The following TTC38 variants were observed in gnomAD, a reference collection of about 807,000 sequenced individuals.
TTC38 encodes tetratricopeptide repeat protein 38.
In TTC38, 64 loss-of-function variants were observed where a neutral mutation model predicts 64.2. The observed-to-expected ratio is 1.00, with a 90% CI of 0.81 to 1.23. The LOEUF is 1.23. Ranked by LOEUF, TTC38 falls within the 50% of genes most tolerant of loss-of-function variation. TTC38 has a pLI of 0.00. For missense variants in TTC38, 573 were observed against 615.5 expected, an observed-to-expected ratio of 0.93 and a Z score of 0.73; for synonymous variants, 254 against 249.3, an observed-to-expected ratio of 1.02 and a Z score of -0.18.
rs2077596064 is a variant in TTC38, at chr22:46,289,448, C to T, written c.1129C>T (p.Leu377=). 6.2e-7 allele frequency: 1 copy of T among 1,609,552 alleles called. No homozygotes were observed. Residue 377 remains leucine (L), a synonymous_variant, in exon 12 of 14, where the codon CTG becomes TTG. Transcript: ENST00000381031. ...GCACCTCCTGGCCCGAGACGTGGGG[C>T]TGCCCCTGTGCCAGGCCCTGGTGGA... ...CQHLLARDVG[L]PLCQALVEAE...
chr22:46,283,902 AAAACAAC>A (rs1238949333), intron 7 of TTC38, 64 bp from the exon 8 acceptor site: 2 of 1,088,240 alleles, frequency 1.8e-6, no homozygotes, highest in African/African-American at 3.3e-5. Context: ...GCATTAGCAC[AAAACAAC>A]ATTTGTTTTT....
chr22:46,280,289 G>C (rs2077524569), intron 6 of TTC38: 2 of 435,060 alleles, frequency 4.6e-6, no homozygotes, highest in African/African-American at 4.1e-5. Flanking sequence ...TCAATGGGTG[G>C]AGGCTTAGGG....
At position 46,281,479 on chromosome 22, in the gene TTC38, C is replaced by A. The variant is rs1429140559; in HGVS notation, c.616-120C>A. ...TGTTTTGAGTCAGAGCCCCGCCCCC[C>A]CACTTGCTCCACCCCGTTCAGCCCA... On this transcript the variant is annotated intron_variant, in intron 6 of 13. Coordinates refer to ENST00000381031, the MANE Select transcript of TTC38 (RefSeq NM_017931.4). The surrounding 1 kb of genome is among the most constrained non-coding windows in gnomAD (Gnocchi z 5.2). 3.6e-6 allele frequency: 4 copies of A among 1,112,138 alleles called. No individual in the cohort carries two copies. Among genetic ancestry groups the A allele is most frequent in the Admixed American group, 2.1e-5 (1 of 47,256 alleles). The allele number at this position is 1,112,138 out of a possible 1,614,324, so 68.9% of individuals were successfully genotyped here.
At chr22:46,268,645 T>A in intron 2 of TTC38, 54 bp downstream of exon 2, 1 of 1,539,750 alleles carries the variant, frequency 6.5e-7, no homozygotes, top group Non-Finnish European at 8.9e-7. Context: ...AGGGGAAGGT[T>A]TTTTAATTGG....
chr22:46,268,727 C>A (rs1182199748), intron 2 of TTC38, 136 bp downstream of exon 2: 3 of 842,350 alleles, frequency 3.6e-6, no homozygotes, highest in Non-Finnish European at 5.5e-6. Flanking sequence ...CTCTGTCGCC[C>A]AGGCTGGAGT....
intron 9 of TTC38, among the ~76,000 whole-genome samples, 167 bp from the exon 10 acceptor site, chr22:46,286,906 C>T (rs989763830): frequency 2.6e-5 from 4 of 152,200 alleles, no homozygotes; most frequent in Non-Finnish European, 4.4e-5. Context: ...GAGCAGTCTA[C>T]ACCCCAGGCA....
intron 9 of TTC38, 136 bp downstream of exon 9, chr22:46,285,415 G>C: frequency 2.4e-6 from 2 of 847,424 alleles, no homozygotes; most frequent in African/African-American, 1.7e-5. Context: ...CTTGTGTAAG[G>C]CCTCATGGGG....
At chr22:46,278,691 C>T in intron 6 of TTC38, 30 bp downstream of exon 6, 20 of 1,580,218 alleles carry the variant, frequency 1.3e-5, no homozygotes, top group Non-Finnish European at 1.7e-5. Context: ...GGTGCCTGAC[C>T]CCTCAGGGAG....
chr22:46,278,596 G>A lies in TTC38; in HGVS notation c.550G>A (p.Gly184Ser). Residue 184 changes from glycine to serine, a missense_variant, in exon 6 of 14, where the codon GGC becomes AGC. Transcript: ENST00000381031. Reference sequence around the variant, plus strand: ...TTTTTCTGTTTTTAGCTATGTGAAAGGCATCTACTCTTTTGGCTTGATGGA... The same window carrying A: ...TTTTTCTGTTTTTAGCTATGTGAAAAGCATCTACTCTTTTGGCTTGATGGA... ...PDIPLSSYVK[G>S]IYSFGLMETN... 1 of 1,614,024 alleles carries A rather than the reference G, an allele frequency of 6.2e-7. No individual in the cohort carries two copies. The highest frequency in any genetic ancestry group is 8.5e-7 in the Non-Finnish European group (1 of 1,179,918).
At position 46,269,504 on chromosome 22, in the gene TTC38, C is replaced by A. The variant is rs184103476; in HGVS notation, c.111+913C>A. Among the ~76,000 whole-genome samples, 1,056 of 152,304 alleles carry A rather than the reference C, an allele frequency of 6.9e-3. 10 individuals are homozygous for A. The highest frequency in any genetic ancestry group is 0.027 in the Middle Eastern group (8 of 294). On this transcript the variant is annotated intron_variant, in intron 2 of 13. Coordinates refer to ENST00000381031, the MANE Select transcript of TTC38 (RefSeq NM_017931.4). The stretch of plus-strand genomic sequence containing the variant: ...GAATTACAGGCAGAACCAGGATGAA[C>A]CTGGGCCTAACTGCACTGATAGAAA...
Position 46,292,962 on chromosome 22 carries a change from G to T in TTC38, c.*78G>T. ...CCAGTCAGCTGCTCCACCGGGTTAG[G>T]GTCAGGAGACGGCCAGAGCCTGTTT... On this transcript the variant is annotated 3_prime_UTR_variant, in exon 14 of 14. Coordinates refer to ENST00000381031, the MANE Select transcript of TTC38 (RefSeq NM_017931.4). The surrounding 1 kb of genome is among the most constrained non-coding windows in gnomAD (Gnocchi z 6.5). The T allele has an allele frequency of 1.7e-6, 2 of 1,192,030 alleles. No individual in the cohort carries two copies. Among genetic ancestry groups the T allele is most frequent in the South Asian group, 1.2e-5 (1 of 81,482 alleles). 73.8% of individuals were successfully genotyped at this position (1,192,030 alleles called of 1,614,324 possible).
chr22:46,288,319 A>G, intron 10 of TTC38, 104 bp from the exon 11 acceptor site: 2 of 1,221,260 alleles, frequency 1.6e-6, no homozygotes, highest in Non-Finnish European at 1.2e-6. Flanking sequence ...CACCTGGGAC[A>G]GGGTCATCAA....
chr22:46,278,132 C>T (rs1264110649), intron 5 of TTC38, among the ~76,000 whole-genome samples: 7 of 152,288 alleles, frequency 4.6e-5, no homozygotes, highest in South Asian at 4.1e-4. Flanking sequence ...GTTGCTGTAG[C>T]GAAGGGCTGC....
At chr22:46,268,141 G>A (rs1936803273) in intron 1 of TTC38, 69 bp downstream of exon 1, 1 of 1,484,282 alleles carries the variant, frequency 6.7e-7, no homozygotes, top group Non-Finnish European at 9.0e-7. Flanking sequence ...CGGTGCTGGC[G>A]GAATAACGGG....
Position 46,268,073 on chromosome 22 carries a change from G to C in TTC38, c.33+1G>C, listed in dbSNP as rs1419114262. 6.5e-7 allele frequency: 1 copy of C among 1,542,652 alleles called. No homozygotes were observed. Among genetic ancestry groups the C allele is most frequent in the East Asian group, 2.5e-5 (1 of 40,676 alleles). ...AGCCTCGCCTCTGCGCGACTGCCAG[G>C]TACACGGAGGCTGCCCCCAACCAGG... On this transcript the variant is annotated splice_donor_variant, in intron 1 of 13. Transcript: ENST00000381031. LOFTEE classifies it high-confidence loss of function.
chr22:46,268,661 G>A, intron 2 of TTC38, 70 bp downstream of exon 2: 1 of 1,464,956 alleles, frequency 6.8e-7, no homozygotes, highest in Non-Finnish European at 9.4e-7. Flanking sequence ...ATTGGGGAAA[G>A]CTGTTTTTTT....
At chr22:46,277,046 TACACACACAC>T (rs4044315) in intron 5 of TTC38, among the ~76,000 whole-genome samples, 23 of 131,332 alleles carry the variant, frequency 1.8e-4, no homozygotes, top group Admixed American at 3.1e-4. Context: ...TATATATACA[TACACACACAC>T]ACACACACAC....
chr22:46,288,647 T>A, intron 11 of TTC38, 59 bp downstream of exon 11: 1 of 1,553,042 alleles, frequency 6.4e-7, no homozygotes, highest in Non-Finnish European at 8.8e-7. Flanking sequence ...GGTGAGGGGG[T>A]GCTAGGGCCA....
intron 12 of TTC38, 94 bp from the exon 13 acceptor site, chr22:46,289,732 T>C (rs2077599466): frequency 6.7e-7 from 1 of 1,490,588 alleles, no homozygotes; most frequent in African/African-American, 1.4e-5. Context: ...TCAACACCAC[T>C]GTCTCCCTGG....
Sources: allele counts gnomAD v4.1 joint callset (sites outside exome capture counted in the v4.1 genomes callset), GRCh38; gene constraint gnomAD v4.1.1; non-coding constraint Gnocchi (gnomAD v3.1); transcripts MANE v1.5; gene names NCBI Gene and HGNC (gene_info 2026-07-23, HGNC 2026-07-21).